Variants in LPCAT4 observed in about 807,000 individuals in gnomAD.
LPCAT4 encodes the protein lysophospholipid acyltransferase LPCAT4.
Under a neutral mutation model 66.5 loss-of-function variants are expected in LPCAT4, and 30 were observed. The observed-to-expected ratio is 0.45, with a 90% confidence interval of 0.34 to 0.61. The LOEUF (loss-of-function observed/expected upper bound fraction) is 0.61. Ranked by LOEUF, LPCAT4 falls within the 20% of genes least tolerant of loss-of-function variation. The pLI is 0.01. For synonymous variants in LPCAT4, 253 were observed against 262.1 expected, an observed-to-expected ratio of 0.97 and a Z score of 0.34; for missense variants, 557 against 656.7, an observed-to-expected ratio of 0.85 and a Z score of 1.66.
chr15:34,362,672 C>A lies in LPCAT4; in HGVS notation c.802-17G>T, dbSNP rs570050020. 1 of 1,609,272 alleles carries A rather than the reference C, an allele frequency of 6.2e-7. No homozygotes were observed. Among genetic ancestry groups the A allele is most frequent in the African/African-American group, 1.3e-5 (1 of 74,962 alleles). ...AGGAAGGAACTGAAACACAGACACA[C>A]ACAATTCTTATCAGAACCTCAAAGT... On this transcript the variant is annotated splice_polypyrimidine_tract_variant and intron_variant, in intron 8 of 13. Transcript: ENST00000314891.
At chr15:34,366,624 G>A (rs1472681943) in intron 1 of LPCAT4, among the ~76,000 whole-genome samples, 2 of 41,612 alleles carry the variant, frequency 4.8e-5, no homozygotes, top group African/African-American at 9.5e-5. Flanking sequence ...CCCCGCCCCC[G>A]CCCCCACCCC....
chr15:34,366,401 C>T (rs1293227115), intron 1 of LPCAT4, among the ~76,000 whole-genome samples: 2 of 152,196 alleles, frequency 1.3e-5, no homozygotes, highest in East Asian at 3.9e-4. Flanking sequence ...CCCCACACCA[C>T]CTCCCAGCTC....
Position 34,367,188 on chromosome 15 carries a change from CG to C in LPCAT4, c.-89del, listed in dbSNP as rs1891103487. The C allele has an allele frequency of 4.1e-6, 5 of 1,209,054 alleles. No individual in the cohort carries two copies. The Admixed American group carries it at 1.3e-4, about 31-fold the overall frequency. The allele number at this position is 1,209,054 out of a possible 1,614,324, so 74.9% of individuals were successfully genotyped here. ...GCTGCTGCTGCAGCAGCGGCGGCGGCGGCGCTCTGGCCCGGGCCCCGCCCGG... is the reference window on the plus strand; with the variant it reads ...GCTGCTGCTGCAGCAGCGGCGGCGGCGCGCTCTGGCCCGGGCCCCGCCCGG... On this transcript the variant is annotated 5_prime_UTR_variant, in exon 1 of 14. Coordinates refer to ENST00000314891, the MANE Select transcript of LPCAT4 (RefSeq NM_153613.3).
chr15:34,362,186 G>C lies in LPCAT4; in HGVS notation c.1010+10C>G, dbSNP rs1369136302. 2.5e-6 allele frequency: 4 copies of C among 1,610,698 alleles called. No homozygotes were observed. The South Asian group carries it at 3.3e-5, about 13-fold the overall frequency. ...ACACTGCTCATACCCTCATTTCCAA[G>C]ACCACTTACCCAGCCTTCCGAAGCA... On this transcript the variant is annotated intron_variant, in intron 10 of 13. Coordinates refer to ENST00000314891, the MANE Select transcript of LPCAT4 (RefSeq NM_153613.3).
rs1056969047 is a variant in LPCAT4 at position 34,363,974 on chromosome 15, T to C, written c.652+39A>G. On this transcript the variant is annotated intron_variant, in intron 5 of 13. Coordinates refer to ENST00000314891, the MANE Select transcript of LPCAT4 (RefSeq NM_153613.3). The surrounding 1 kb of genome is among the most constrained non-coding windows in gnomAD (Gnocchi z 4.3). Reference sequence around the variant, plus strand: ...AGTCCCTCCCCAAATCTGGAACTTCTTTTTCCTACAGCCCACCACCCACTA... The same window carrying C: ...AGTCCCTCCCCAAATCTGGAACTTCCTTTTCCTACAGCCCACCACCCACTA... The C allele has an allele frequency of 3.1e-6, 5 of 1,590,684 alleles. No homozygotes were observed. The highest frequency in any genetic ancestry group is 2.6e-6 in the Non-Finnish European group (3 of 1,161,678).
At position 34,363,642 on chromosome 15, in the gene LPCAT4, T is replaced by C; in HGVS notation, c.711+19A>G. 6.2e-7 allele frequency: 1 copy of C among 1,614,080 alleles called. No individual in the cohort carries two copies. The highest frequency in any genetic ancestry group is 8.5e-7 in the Non-Finnish European group (1 of 1,179,966). On this transcript the variant is annotated intron_variant, in intron 6 of 13. Coordinates refer to ENST00000314891, the MANE Select transcript of LPCAT4 (RefSeq NM_153613.3). This position sits in a 1 kb window ranked among gnomAD's most constrained non-coding sequence, Gnocchi z 4.3. ...GATTTGTGCTCCCCCTTTCCACTCT[T>C]TCTTGGACTAAGACTCACCAGACTG...
At chr15:34,366,704 G>GGA (rs1467698262) in intron 1 of LPCAT4, among the ~76,000 whole-genome samples, 2 of 143,672 alleles carry the variant, frequency 1.4e-5, no homozygotes, top group Admixed American at 1.5e-4. Flanking sequence ...ATTCCCCAGC[G>GGA]TCCTTCATCT....
Position 34,362,568 on chromosome 15 carries a change from C to T in LPCAT4, c.884+5G>A. The T allele has an allele frequency of 6.5e-7, 1 of 1,543,306 alleles. No individual in the cohort carries two copies. Among genetic ancestry groups the T allele is most frequent in the South Asian group, 1.3e-5 (1 of 79,264 alleles). On this transcript the variant is annotated splice_donor_5th_base_variant and intron_variant, in intron 9 of 13. Transcript: ENST00000314891. ...GCTCCAGGAAATAGTTTGTGGGGCA[C>T]TCACTGTGCCATGACCCTCTGAACA... is the stretch of plus-strand genomic sequence containing the variant.
Position 34,361,473 on chromosome 15 carries a change from T to G in LPCAT4, c.1070A>C (p.Gln357Pro). 6.2e-7 allele frequency: 1 copy of G among 1,614,172 alleles called. No individual in the cohort carries two copies. Among genetic ancestry groups the G allele is most frequent in the Non-Finnish European group, 8.5e-7 (1 of 1,180,040 alleles). ...CTGTAGCTGCCTGGCAAACTCTTCC[T>G]GGCTGATCATTCGACTCCGGCCTGG... ...AEPGRSRMIS[Q>P]EEFARQLQLS... Residue 357 changes from glutamine (Q) to proline (P), a missense_variant, in exon 11 of 14, where the codon CAG becomes CCG. Coordinates refer to ENST00000314891, the MANE Select transcript of LPCAT4 (RefSeq NM_153613.3).
At position 34,362,189 on chromosome 15, in the gene LPCAT4, C is replaced by A; in HGVS notation, c.1010+7G>T. The A allele has an allele frequency of 6.2e-7, 1 of 1,613,366 alleles. No individual in the cohort carries two copies. The highest frequency in any genetic ancestry group is 8.5e-7 in the Non-Finnish European group (1 of 1,179,824). ...CTGCTCATACCCTCATTTCCAAGACCACTTACCCAGCCTTCCGAAGCACTT... is the reference window on the plus strand; with the variant it reads ...CTGCTCATACCCTCATTTCCAAGACAACTTACCCAGCCTTCCGAAGCACTT... On this transcript the variant is annotated splice_region_variant and intron_variant, in intron 10 of 13. Coordinates refer to ENST00000314891, the MANE Select transcript of LPCAT4 (RefSeq NM_153613.3).
At chr15:34,359,821 C>G (rs1890899701) in intron 12 of LPCAT4, 76 bp from the exon 13 acceptor site, 1 of 1,444,540 alleles carries the variant, frequency 6.9e-7, no homozygotes, top group Admixed American at 2.2e-5. Context: ...ACTGGCCTGA[C>G]AGGCTCCTCC....
rs749689524 is a variant in LPCAT4, at chr15:34,363,474, G to A, written c.712-18C>T. The A allele has an allele frequency of 9.3e-6, 15 of 1,613,976 alleles. 1 individual carries two copies. The Middle Eastern group carries it at 2.0e-3, about 212-fold the overall frequency. On this transcript the variant is annotated intron_variant, in intron 6 of 13. Transcript: ENST00000314891. The surrounding 1 kb of genome is among the most constrained non-coding windows in gnomAD (Gnocchi z 4.3). ...GTGGTGTCCTATGGGAGAAACACAG[G>A]TGAGGGCATAAGAGCATTACTTTTT... is the stretch of plus-strand genomic sequence containing the variant.
rs983910359 is a variant in LPCAT4, at chr15:34,363,669, T to C, written c.703A>G (p.Asn235Asp). Residue 235 changes from asparagine to aspartate, a missense_variant, in exon 6 of 14, where the codon AAC becomes GAC. Coordinates refer to ENST00000314891, the MANE Select transcript of LPCAT4 (RefSeq NM_153613.3). The surrounding 1 kb of genome is among the most constrained non-coding windows in gnomAD (Gnocchi z 4.3). ...PVQPVLIRYP[N>D]SLDTTSWAWR... ...CTTGGACTAAGACTCACCAGACTGT[T>C]GGGGTAGCGGATGAGGACAGGCTGC... The C allele has an allele frequency of 2.7e-5, 44 of 1,614,136 alleles. No individual in the cohort carries two copies. Among genetic ancestry groups the C allele is most frequent in the Non-Finnish European group, 3.3e-5 (39 of 1,180,030 alleles).
chr15:34,364,914 C>A (rs569789920), intron 3 of LPCAT4, 94 bp downstream of exon 3: 37 of 1,068,538 alleles, frequency 3.5e-5, no homozygotes, highest in Non-Finnish European at 4.4e-5. Flanking sequence ...TCCCTCCCCA[C>A]TTTGAGGCCA....
intron 7 of LPCAT4, 123 bp from the exon 8 acceptor site, chr15:34,362,959 T>A: frequency 1.1e-6 from 1 of 918,618 alleles, no homozygotes; most frequent in Non-Finnish European, 1.7e-6. Flanking sequence ...CCATTGATAA[T>A]AGGGACAGAC....
At chr15:34,361,168 CTGAT>C in intron 11 of LPCAT4, 1 of 1,365,096 alleles carries the variant, frequency 7.3e-7, no homozygotes, top group Non-Finnish European at 9.5e-7. Context: ...ATAGTCCTTA[CTGAT>C]TATTTCTCCC....
In LPCAT4 at chr15:34,367,164, C is replaced by T. The variant is rs1188087529; in HGVS notation, c.-64G>A. The stretch of plus-strand genomic sequence containing the variant: ...CCCCGGCCACCACTCTGCAGAGCAG[C>T]TGCTGCTGCAGCAGCGGCGGCGGCG... On this transcript the variant is annotated 5_prime_UTR_variant, in exon 1 of 14. Transcript: ENST00000314891. 1 of 1,336,136 alleles carries T rather than the reference C, an allele frequency of 7.5e-7. No individual in the cohort carries two copies. The highest frequency in any genetic ancestry group is 3.2e-5 in the East Asian group (1 of 31,200). 82.8% of individuals were successfully genotyped at this position (1,336,136 alleles called of 1,614,324 possible). A position where few individuals can be genotyped will look rare whatever the true frequency, so the allele number is the denominator to read the frequency against.
Position 34,365,080 on chromosome 15 carries a change from T to G in LPCAT4, c.406A>C (p.Ile136Leu), listed in dbSNP as rs775742765. The change falls in exon 3 of 14, where the codon ATT becomes CTT. Residue 136 changes from isoleucine (I) to leucine (L), a missense_variant. Ile to Leu is a conservative substitution (Grantham distance 5). This residue lies in a region of LPCAT4 where 6 missense variants were observed against 27.9 expected (regional missense o/e 0.22). Coordinates refer to ENST00000314891, the MANE Select transcript of LPCAT4 (RefSeq NM_153613.3). ...GGCAGGTCACAGGGCAGCAGAACAA[T>G]GGGGTCAAAGAAAGTGGAGTGTGGG... Reference protein sequence around the residue: ...AAPHSTFFDPIVLLPCDLPKV... With the variant: ...AAPHSTFFDPLVLLPCDLPKV... 34 of 1,613,984 alleles carry G rather than the reference T, an allele frequency of 2.1e-5. No individual in the cohort carries two copies. The highest frequency in any genetic ancestry group is 2.9e-5 in the Non-Finnish European group (34 of 1,180,000).
At chr15:34,366,032 T>C in intron 1 of LPCAT4, 1 of 240,702 alleles carries the variant, frequency 4.2e-6, no homozygotes, top group Non-Finnish European at 8.3e-6. Flanking sequence ...CTGTGCTTGA[T>C]GTACAGTAGG....
Sources: allele counts gnomAD v4.1 joint callset (sites outside exome capture counted in the v4.1 genomes callset), GRCh38; gene constraint gnomAD v4.1.1; regional missense constraint gnomAD v4.1.1; non-coding constraint Gnocchi (gnomAD v3.1); transcripts MANE v1.5; gene names NCBI Gene and HGNC (gene_info 2026-07-23, HGNC 2026-07-21).